The following DOK6 variants were observed in gnomAD, a reference collection of about 807,000 sequenced individuals.
The protein encoded by DOK6 is downstream of tyrosine kinase 6.
DOK6 carries 22 observed loss-of-function variants against 44.0 expected under a neutral mutation model. That is an observed-to-expected ratio of 0.50 (90% confidence interval 0.36 to 0.71). DOK6 has a LOEUF of 0.71. DOK6 is among the 30% of genes least tolerant of loss of function. The pLI, the probability that DOK6 is intolerant of heterozygous loss-of-function variation, is 0.00. For missense variants in DOK6, 340 were observed against 416.4 expected (o/e 0.82, Z 1.60); for synonymous variants, 166 against 145.5 (o/e 1.14, Z -1.01).
At position 69,757,893 on chromosome 18, in the gene DOK6, GAA is replaced by G; in HGVS notation, c.856+22_856+23del. The stretch of plus-strand genomic sequence containing the variant: ...TGCAAGGCAAGTCACTTTAATGTAA[GAA>G]AGCAGTGCCTCCATAAGCTTCCTCC... On this transcript the variant is annotated intron_variant, in intron 7 of 7. Coordinates refer to ENST00000382713, the MANE Select transcript of DOK6 (RefSeq NM_152721.6). The G allele has an allele frequency of 6.3e-7, 1 of 1,594,290 alleles. No homozygotes were observed. The highest frequency in any genetic ancestry group is 8.6e-7 in the Non-Finnish European group (1 of 1,162,048).
chr18:69,813,406 G>C (rs1981301062), intron 7 of DOK6, among the ~76,000 whole-genome samples: 1 of 152,058 alleles, frequency 6.6e-6, no homozygotes, highest in South Asian at 2.1e-4. Context: ...TTGTTGTCCT[G>C]CAGTGCCCTG....
chr18:69,725,151 G>A (rs1188058315), intron 5 of DOK6, among the ~76,000 whole-genome samples: 1 of 152,214 alleles, frequency 6.6e-6, no homozygotes, highest in Non-Finnish European at 1.5e-5. Flanking sequence ...TCATGGAGAT[G>A]TGGTGATCTG....
chr18:69,479,394 T>G (rs1232135890), intron 1 of DOK6, among the ~76,000 whole-genome samples: 1 of 152,116 alleles, frequency 6.6e-6, no homozygotes, highest in Non-Finnish European at 1.5e-5. Flanking sequence ...AAGAATGTGA[T>G]TCCCATACCT....
intron 5 of DOK6, among the ~76,000 whole-genome samples, chr18:69,727,880 T>C (rs932640758): frequency 2.0e-5 from 3 of 152,222 alleles, no homozygotes; most frequent in African/African-American, 7.2e-5. Context: ...CTCACCTTGG[T>C]GTGATACTAT....
intron 1 of DOK6, among the ~76,000 whole-genome samples, chr18:69,429,071 A>G (rs1472468521): frequency 6.6e-6 from 1 of 152,238 alleles, no homozygotes; most frequent in Admixed American, 6.5e-5. Context: ...TTGCCTGTTC[A>G]GAACAGCCAC....
At chr18:69,599,292 T>G (rs924435307) in intron 2 of DOK6, 92 bp from the exon 3 acceptor site, 13 of 904,708 alleles carry the variant, frequency 1.4e-5, no homozygotes, top group Admixed American at 2.8e-5. Flanking sequence ...TGGAAATTCA[T>G]GTAAGACTGT....
intron 3 of DOK6, among the ~76,000 whole-genome samples, chr18:69,644,944 T>C (rs925249378): frequency 4.6e-5 from 7 of 152,206 alleles, no homozygotes; most frequent in African/African-American, 1.7e-4. Context: ...AGGACCAATA[T>C]TAAAATAGAT....
At chr18:69,513,743 A>C (rs957248479) in intron 1 of DOK6, among the ~76,000 whole-genome samples, 5 of 152,212 alleles carry the variant, frequency 3.3e-5, no homozygotes, top group African/African-American at 1.2e-4. Context: ...AGTTAAGCTA[A>C]ATTGCTTAGC....
At chr18:69,600,882 T>C (rs1210024410) in intron 3 of DOK6, among the ~76,000 whole-genome samples, 1 of 152,186 alleles carries the variant, frequency 6.6e-6, no homozygotes, top group African/African-American at 2.4e-5. Flanking sequence ...AAATTCATGT[T>C]TAGTTAATAA....
At chr18:69,657,205 C>T (rs892828638) in intron 3 of DOK6, among the ~76,000 whole-genome samples, 11 of 152,138 alleles carry the variant, frequency 7.2e-5, no homozygotes, top group African/African-American at 2.7e-4. Flanking sequence ...AGGATGACTG[C>T]GATGTGTTGG....
intron 4 of DOK6, among the ~76,000 whole-genome samples, chr18:69,694,681 C>T (rs1986353223): frequency 6.6e-6 from 1 of 152,026 alleles, no homozygotes; most frequent in Non-Finnish European, 1.5e-5. Context: ...TTCTACATAA[C>T]CTTTTCAAAA....
rs368801579 is a variant in DOK6 at position 69,620,893 on chromosome 18, T to C, written c.289+21395T>C. Among the ~76,000 whole-genome samples the C allele has an allele frequency of 9.8e-5, 15 of 152,318 alleles. 1 individual carries two copies. In the South Asian group the frequency reaches 2.9e-3, roughly 29 times the overall value. ...AACTTCAAAATGTTTTTAAGCACAA[T>C]AGCTGTTTAAATAACAAGTGAAATA... is the stretch of plus-strand genomic sequence containing the variant. On this transcript the variant is annotated intron_variant, in intron 3 of 7. Transcript: ENST00000382713.
intron 1 of DOK6, among the ~76,000 whole-genome samples, chr18:69,446,038 CTTTT>C: frequency 6.8e-6 from 1 of 146,848 alleles, no homozygotes; most frequent in Non-Finnish European, 1.5e-5. Context: ...ATTTATATTT[CTTTT>C]TTTATTTCCT....
intron 1 of DOK6, among the ~76,000 whole-genome samples, chr18:69,550,707 G>C (rs140600209): frequency 0.012 from 1,704 of 145,586 alleles, 29 homozygotes; most frequent in African/African-American, 0.041. Flanking sequence ...ACATCATTTT[G>C]TTTTCCCTAA....
intron 7 of DOK6, among the ~76,000 whole-genome samples, chr18:69,764,306 G>A (rs953360017): frequency 1.3e-5 from 2 of 152,122 alleles, no homozygotes; most frequent in African/African-American, 4.8e-5. Flanking sequence ...GGGACTGCAC[G>A]TGATGACTAA....
intron 1 of DOK6, among the ~76,000 whole-genome samples, chr18:69,422,006 G>A (rs996938051): frequency 2.6e-5 from 4 of 152,172 alleles, no homozygotes; most frequent in African/African-American, 7.2e-5. Context: ...TCCACCAGAA[G>A]TCCAGCTAGA....
At chr18:69,792,849 G>A (rs17081619) in intron 7 of DOK6, among the ~76,000 whole-genome samples, 8,939 of 151,956 alleles carry the variant, frequency 0.059, 288 homozygotes, top group African/African-American at 0.087. Flanking sequence ...TTGCTAAATC[G>A]TCCTTCAGGA....
chr18:69,564,432 A>G, intron 1 of DOK6, 55 bp from the exon 2 acceptor site: 1 of 1,491,032 alleles, frequency 6.7e-7, no homozygotes, highest in South Asian at 1.2e-5. Context: ...TCAACTCCTA[A>G]TGTCGTAAAC....
chr18:69,526,759 G>A (rs1236785335), intron 1 of DOK6, among the ~76,000 whole-genome samples: 2 of 152,130 alleles, frequency 1.3e-5, no homozygotes, highest in Non-Finnish European at 2.9e-5. Flanking sequence ...GCATATGGTT[G>A]TATTCTGTAG....
Sources: allele counts gnomAD v4.1 joint callset (sites outside exome capture counted in the v4.1 genomes callset), GRCh38; gene constraint gnomAD v4.1.1; transcripts MANE v1.5; gene names NCBI Gene and HGNC (gene_info 2026-07-23, HGNC 2026-07-21).